PREX2: variants seen among roughly 807,000 people sequenced by gnomAD.
PREX2 encodes phosphatidylinositol 3,4,5-trisphosphate-dependent Rac exchanger 2 protein.
A neutral mutation model predicts 203.2 loss-of-function variants in PREX2; 107 were observed. That is an observed-to-expected ratio of 0.53 (90% CI 0.45 to 0.62). PREX2 has a LOEUF of 0.62. PREX2 is among the 20% of genes least tolerant of loss of function. The pLI is 0.00. For missense variants in PREX2, 1,777 were observed against 1,955.9 expected, an observed-to-expected ratio of 0.91 and a Z score of 1.72; for synonymous variants, 672 against 663.6, an observed-to-expected ratio of 1.01 and a Z score of -0.19.
chr8:67,999,983 C>T (rs1040863108), intron 1 of PREX2, among the ~76,000 whole-genome samples: 2 of 152,094 alleles, frequency 1.3e-5, no homozygotes, highest in Non-Finnish European at 2.9e-5. Flanking sequence ...AATAAAACCA[C>T]CTGTGACAAA....
chr8:68,058,709 A>G (rs1808753752), intron 10 of PREX2, among the ~76,000 whole-genome samples: 1 of 152,294 alleles, frequency 6.6e-6, no homozygotes, highest in Non-Finnish European at 1.5e-5. Context: ...TGCTGGGATT[A>G]TAGGCATGAG....
intron 30 of PREX2, among the ~76,000 whole-genome samples, chr8:68,126,007 T>C (rs1462645287): frequency 6.6e-6 from 1 of 152,100 alleles, no homozygotes. Flanking sequence ...TTCTATTAGG[T>C]AAGACTAAAC....
intron 1 of PREX2, among the ~76,000 whole-genome samples, chr8:67,982,431 A>C (rs901157126): frequency 1.3e-5 from 2 of 152,114 alleles, no homozygotes; most frequent in East Asian, 3.9e-4. Flanking sequence ...TCTAAAAAAA[A>C]ATTAAAAGTG....
chr8:67,965,043 GGAAGTACACA>G (rs1223011201), intron 1 of PREX2, among the ~76,000 whole-genome samples: 1 of 152,124 alleles, frequency 6.6e-6, no homozygotes, highest in Admixed American at 6.6e-5. Context: ...TGTTGACTCC[GGAAGTACACA>G]GAAGCTAGAA....
At chr8:68,214,824 A>T (rs1812802852) in intron 37 of PREX2, among the ~76,000 whole-genome samples, 1 of 152,206 alleles carries the variant, frequency 6.6e-6, no homozygotes, top group Non-Finnish European at 1.5e-5. Flanking sequence ...GGACCCATCA[A>T]CCATGAATCA....
intron 20 of PREX2, among the ~76,000 whole-genome samples, chr8:68,092,994 G>A (rs75381858): frequency 0.012 from 1,866 of 152,056 alleles, 39 homozygotes; most frequent in African/African-American, 0.042. Context: ...ACTTACTTAC[G>A]ATATACTTGA....
At chr8:68,159,523 G>A (rs1192439018) in intron 35 of PREX2, among the ~76,000 whole-genome samples, 1 of 152,152 alleles carries the variant, frequency 6.6e-6, no homozygotes, top group African/African-American at 2.4e-5. Flanking sequence ...AAAAATGGGT[G>A]AACTCTGCTC....
chr8:68,025,842 T>C (rs1283546878), intron 4 of PREX2, among the ~76,000 whole-genome samples: 1 of 152,088 alleles, frequency 6.6e-6, no homozygotes, highest in Admixed American at 6.6e-5. Context: ...CCTGTGGTAT[T>C]ATGAATTGAG....
At chr8:68,075,820 A>T (rs1317747592) in intron 14 of PREX2, among the ~76,000 whole-genome samples, 1 of 152,168 alleles carries the variant, frequency 6.6e-6, no homozygotes, top group African/African-American at 2.4e-5. Context: ...TCTTAGGAGG[A>T]TTAATGAGGG....
chr8:68,153,514 A>C lies in PREX2; in HGVS notation c.4232-3808A>C, dbSNP rs564824111. On this transcript the variant is annotated intron_variant, in intron 34 of 39. Coordinates refer to ENST00000288368, the MANE Select transcript of PREX2 (RefSeq NM_024870.4). ...AGTAAATAAACTAAATATTCAACCAAGTATGTTGATACTGCTTTTGAGAAA... is the reference window on the plus strand; with the variant it reads ...AGTAAATAAACTAAATATTCAACCACGTATGTTGATACTGCTTTTGAGAAA... Among the ~76,000 whole-genome samples, 72 of 152,310 alleles carry C rather than the reference A, an allele frequency of 4.7e-4. 1 individual carries two copies. The highest frequency in any genetic ancestry group is 1.7e-3 in the African/African-American group (72 of 41,584).
intron 28 of PREX2, among the ~76,000 whole-genome samples, chr8:68,119,763 C>G (rs1201383394): frequency 6.6e-6 from 1 of 151,816 alleles, no homozygotes; most frequent in Non-Finnish European, 1.5e-5. Context: ...ATAGGAGTTA[C>G]CCTTTTTAGT....
At chr8:68,226,966 C>A (rs999910578) in intron 39 of PREX2, among the ~76,000 whole-genome samples, 1 of 152,070 alleles carries the variant, frequency 6.6e-6, no homozygotes, top group Non-Finnish European at 1.5e-5. Flanking sequence ...ATGCCTAGAC[C>A]TCAATGACTG....
chr8:68,058,187 C>T (rs780425411), intron 10 of PREX2, among the ~76,000 whole-genome samples: 4 of 152,146 alleles, frequency 2.6e-5, no homozygotes, highest in Middle Eastern at 3.2e-3. Flanking sequence ...CCTTTATTCT[C>T]GACCTCTCAC....
chr8:68,064,085 G>T (rs1376842970), intron 11 of PREX2, among the ~76,000 whole-genome samples: 1 of 152,128 alleles, frequency 6.6e-6, no homozygotes, highest in Non-Finnish European at 1.5e-5. Context: ...AGGAACTCTA[G>T]GTTGAGAGAA....
At position 68,235,185 on chromosome 8, in the gene PREX2, G is replaced by T. The variant is rs2129615760; in HGVS notation, c.*3807G>T. The T allele has an allele frequency of 6.6e-6, 1 of 152,188 alleles. No homozygotes were observed. The highest frequency in any genetic ancestry group is 2.4e-5 in the African/African-American group (1 of 41,542). The allele number at this position is 152,188 out of a possible 1,614,324, so 9.4% of individuals were successfully genotyped here. A position where few individuals can be genotyped will look rare whatever the true frequency, so the allele number is the denominator to read the frequency against. ...GTGTAGCATGATTTAATGCAGAGCA[G>T]TTATTCACTTATACTTCTGAAAAGC... On this transcript the variant is annotated 3_prime_UTR_variant, in exon 40 of 40. Coordinates refer to ENST00000288368, the MANE Select transcript of PREX2 (RefSeq NM_024870.4).
chr8:68,202,144 C>G (rs1812519085), intron 37 of PREX2, among the ~76,000 whole-genome samples: 1 of 152,104 alleles, frequency 6.6e-6, no homozygotes, highest in Non-Finnish European at 1.5e-5. Context: ...TCGTGATCCA[C>G]CCACCTCGGC....
At chr8:68,115,707 GCAGA>G (rs759634605) in intron 25 of PREX2, 42 bp from the exon 26 acceptor site, 9 of 1,396,036 alleles carry the variant, frequency 6.4e-6, no homozygotes, top group African/African-American at 1.4e-5. Context: ...GTTATATATA[GCAGA>G]CAGTTTGAAA....
At chr8:68,122,097 A>G (rs1420347005) in intron 30 of PREX2, among the ~76,000 whole-genome samples, 3 of 152,088 alleles carry the variant, frequency 2.0e-5, no homozygotes, top group Non-Finnish European at 4.4e-5. Flanking sequence ...CTTATATCAA[A>G]TGGAGTCTGA....
At chr8:68,218,773 G>C (rs1352086010) in intron 38 of PREX2, among the ~76,000 whole-genome samples, 1 of 152,192 alleles carries the variant, frequency 6.6e-6, no homozygotes, top group Non-Finnish European at 1.5e-5. Flanking sequence ...GGCACAGAGA[G>C]AGCATATACA....
Sources: allele counts gnomAD v4.1 joint callset (sites outside exome capture counted in the v4.1 genomes callset), GRCh38; gene constraint gnomAD v4.1.1; transcripts MANE v1.5; gene names NCBI Gene and HGNC (gene_info 2026-07-23, HGNC 2026-07-21).